BANK1: variants seen among roughly 807,000 people sequenced by gnomAD.
BANK1 encodes B-cell scaffold protein with ankyrin repeats.
In BANK1, 95 loss-of-function variants were observed where a neutral mutation model predicts 94.5. The observed-to-expected ratio is 1.00, with a 90% CI of 0.85 to 1.19. The LOEUF (loss-of-function observed/expected upper bound fraction) is 1.19. Ranked by LOEUF, BANK1 falls within the 50% of genes most tolerant of loss-of-function variation. The probability of loss-of-function intolerance (pLI) is 0.00; values close to 1 mark genes in which losing one functional copy is unlikely to be tolerated. For synonymous variants in BANK1, 334 were observed against 308.4 expected (o/e 1.08, Z -0.87); for missense variants, 987 against 932.2 (o/e 1.06, Z -0.77).
Position 101,895,387 on chromosome 4 carries a change from C to A in BANK1, c.986C>A (p.Thr329Asn). The change falls in exon 6 of 17, where the codon ACT becomes AAT. Residue 329 changes from threonine to asparagine, a missense_variant. Physicochemically the swap from Thr to Asn is moderately conservative, Grantham distance 65. Transcript: ENST00000322953. ...TATTATGAGTTCCAGTCTCTTCAAA[C>A]TGAAATTTGTTCTCAAAACAAATGT... ...IPYYEFQSLQ[T>N]EICSQNKYTH... The A allele has an allele frequency of 6.3e-7, 1 of 1,587,050 alleles. No homozygotes were observed. Among genetic ancestry groups the A allele is most frequent in the Non-Finnish European group, 8.6e-7 (1 of 1,162,968 alleles).
rs1233457252 is a variant in BANK1, at chr4:101,790,833, G to A, written c.-48G>A. ...GTCTCTGGCCGGGAGAGTCCAGGTA[G>A]CGCTCGGCGGGCAGCAGTGCGCAGG... On this transcript the variant is annotated 5_prime_UTR_variant, in exon 1 of 17. Transcript: ENST00000322953. The A allele has an allele frequency of 1.3e-6, 2 of 1,522,920 alleles. No homozygotes were observed. The highest frequency in any genetic ancestry group is 3.9e-5 in the Admixed American group (2 of 50,922). 94.3% of individuals were successfully genotyped at this position (1,522,920 alleles called of 1,614,324 possible).
chr4:101,870,829 C>A lies in BANK1; in HGVS notation c.903+185C>A, dbSNP rs199950152. Among the ~76,000 whole-genome samples, 994 of 148,232 alleles carry A rather than the reference C, an allele frequency of 6.7e-3. 12 individuals are homozygous for A. The highest frequency in any genetic ancestry group is 0.024 in the African/African-American group (954 of 40,590). On this transcript the variant is annotated intron_variant, in intron 5 of 16. Coordinates refer to ENST00000322953, the MANE Select transcript of BANK1 (RefSeq NM_017935.5). ...TGCAGACAAATTACTTTGCCTAGGT[C>A]AAAAAAAAACAGATAATGTCAATGG...
intron 11 of BANK1, among the ~76,000 whole-genome samples, chr4:102,059,229 GATAGCTCACTGGT>G (rs1165478076): frequency 6.6e-6 from 1 of 152,144 alleles, no homozygotes; most frequent in African/African-American, 2.4e-5. Context: ...TCCCTCCAGG[GATAGCTCACTGGT>G]ATACAGTTAG....
At chr4:101,830,311 A>G in intron 2 of BANK1, 105 bp downstream of exon 2, 1 of 911,850 alleles carries the variant, frequency 1.1e-6, no homozygotes, top group Non-Finnish European at 1.6e-6. Context: ...TCAGGATAGG[A>G]ATAAGAAAAA....
At chr4:101,841,928 G>A (rs917879037) in intron 2 of BANK1, among the ~76,000 whole-genome samples, 1 of 151,950 alleles carries the variant, frequency 6.6e-6, no homozygotes, top group Non-Finnish European at 1.5e-5. Flanking sequence ...ATATGTTGAT[G>A]TAGGGAGGAG....
intron 6 of BANK1, among the ~76,000 whole-genome samples, chr4:101,897,312 T>C (rs903141157): frequency 2.0e-5 from 3 of 152,012 alleles, no homozygotes; most frequent in African/African-American, 7.2e-5. Context: ...ATTTCTGGAA[T>C]CAAAATTGTG....
intron 7 of BANK1, among the ~76,000 whole-genome samples, chr4:101,974,326 A>T (rs1213466280): frequency 6.6e-6 from 1 of 152,140 alleles, no homozygotes; most frequent in East Asian, 1.9e-4. Flanking sequence ...TCTCAAAATC[A>T]TAAACATGTT....
At chr4:101,925,498 A>G (rs981189709) in intron 7 of BANK1, among the ~76,000 whole-genome samples, 6 of 151,780 alleles carry the variant, frequency 4.0e-5, no homozygotes, top group African/African-American at 1.4e-4. Flanking sequence ...TTATGAAAGT[A>G]ATAGAGGGAA....
At position 101,794,899 on chromosome 4, in the gene BANK1, A is replaced by G. The variant is rs117030913; in HGVS notation, c.70+3949A>G. 7.0e-3 allele frequency among the ~76,000 whole-genome samples: 1,059 copies of G among 152,110 alleles called. 43 individuals are homozygous for G. Among genetic ancestry groups the G allele is most frequent in the East Asian group, 0.015 (75 of 5,154 alleles). On this transcript the variant is annotated intron_variant, in intron 1 of 16. Coordinates refer to ENST00000322953, the MANE Select transcript of BANK1 (RefSeq NM_017935.5). ...TCATTAAAATATGTTTTTATGTTTCATCATACTATGTGTCATATCTTTGTT... is the reference window on the plus strand; with the variant it reads ...TCATTAAAATATGTTTTTATGTTTCGTCATACTATGTGTCATATCTTTGTT...
chr4:101,822,239 G>A (rs951093585), intron 1 of BANK1, among the ~76,000 whole-genome samples: 1 of 151,916 alleles, frequency 6.6e-6, no homozygotes, highest in African/African-American at 2.4e-5. Context: ...GCATGGTGGT[G>A]CATACCTGTG....
chr4:101,923,375 G>A (rs2148902265), intron 7 of BANK1, among the ~76,000 whole-genome samples: 1 of 151,892 alleles, frequency 6.6e-6, no homozygotes, highest in Middle Eastern at 3.4e-3. Context: ...GTGTGTGTGT[G>A]TGTGCTTTGC....
At chr4:101,996,688 A>T (rs1212133735) in intron 7 of BANK1, among the ~76,000 whole-genome samples, 2 of 152,114 alleles carry the variant, frequency 1.3e-5, no homozygotes, top group East Asian at 3.9e-4. Flanking sequence ...TTCTCTTTGT[A>T]GCAATCGTGA....
At chr4:101,860,647 T>G (rs988074552) in intron 3 of BANK1, among the ~76,000 whole-genome samples, 1 of 152,074 alleles carries the variant, frequency 6.6e-6, no homozygotes, top group Non-Finnish European at 1.5e-5. Flanking sequence ...GCCAAGCTGG[T>G]CTTGAACTCC....
chr4:101,911,192 C>G (rs1722651552), intron 6 of BANK1, among the ~76,000 whole-genome samples: 1 of 152,104 alleles, frequency 6.6e-6, no homozygotes, highest in Non-Finnish European at 1.5e-5. Flanking sequence ...TTGCTAGTCC[C>G]CAGACGACTG....
At chr4:101,921,683 T>G (rs1191674315) in intron 7 of BANK1, among the ~76,000 whole-genome samples, 1 of 151,964 alleles carries the variant, frequency 6.6e-6, no homozygotes. Flanking sequence ...GCTATGGAAT[T>G]GGAGACAGGT....
chr4:101,879,381 A>G (rs990669074), intron 5 of BANK1, among the ~76,000 whole-genome samples: 1 of 152,114 alleles, frequency 6.6e-6, no homozygotes, highest in Non-Finnish European at 1.5e-5. Context: ...AGATACACAC[A>G]AACTACCAAG....
chr4:101,948,037 G>T (rs1456363707), intron 7 of BANK1, among the ~76,000 whole-genome samples: 1 of 151,934 alleles, frequency 6.6e-6, no homozygotes, highest in Non-Finnish European at 1.5e-5. Flanking sequence ...CACAACTATT[G>T]TAATTCTATT....
chr4:102,024,185 A>C (rs1415198647), intron 8 of BANK1, among the ~76,000 whole-genome samples: 3 of 152,184 alleles, frequency 2.0e-5, no homozygotes, highest in Non-Finnish European at 4.4e-5. Context: ...ATTTTAAAGA[A>C]GTCTTTCTTC....
intron 5 of BANK1, among the ~76,000 whole-genome samples, chr4:101,876,850 C>T (rs2148883682): frequency 6.6e-6 from 1 of 151,966 alleles, no homozygotes; most frequent in Non-Finnish European, 1.5e-5. Flanking sequence ...TAAATAGATT[C>T]AAATAATGAA....
Sources: allele counts gnomAD v4.1 joint callset (sites outside exome capture counted in the v4.1 genomes callset), GRCh38; gene constraint gnomAD v4.1.1; transcripts MANE v1.5; gene names NCBI Gene and HGNC (gene_info 2026-07-23, HGNC 2026-07-21).